The following METTL16 variants were observed in gnomAD, a reference collection of about 807,000 sequenced individuals.
METTL16 encodes the protein methyltransferase 16, RNA N6-adenosine, also known as RNA N(6)-adenosine-methyltransferase METTL16.
In METTL16, 19 loss-of-function variants were observed where a neutral mutation model predicts 57.9. The ratio of observed to expected loss-of-function variants is 0.33; its 90% CI spans 0.23 to 0.48. The LOEUF is 0.48. Ranked by LOEUF, METTL16 falls within the 20% of genes least tolerant of loss-of-function variation. The pLI is 0.99. For synonymous variants in METTL16, 246 were observed against 255.6 expected, an observed-to-expected ratio of 0.96 and a Z score of 0.36; for missense variants, 434 against 691.5, an observed-to-expected ratio of 0.63 and a Z score of 4.18.
At chr17:2,473,374 T>C (rs2067247651) in intron 4 of METTL16, 150 bp downstream of exon 4, 2 of 670,820 alleles carry the variant, frequency 3.0e-6, no homozygotes, top group South Asian at 6.7e-5. Context: ...GAGTTAATTC[T>C]GGTATCAAGA....
chr17:2,485,988 G>A (rs747993297), intron 2 of METTL16, among the ~76,000 whole-genome samples: 5 of 152,114 alleles, frequency 3.3e-5, no homozygotes, highest in Non-Finnish European at 7.4e-5. Flanking sequence ...AGGAAGGAAC[G>A]AAGGGAAGGG....
At position 2,470,057 on chromosome 17, in the gene METTL16, C is replaced by T. The variant is rs115198800; in HGVS notation, c.470-2181G>A. Reference sequence around the variant, plus strand: ...TCGTATTTTCATCAACTGATAGACACACAACCTTATTTTATGGTGTTCCTG... The same window carrying T: ...TCGTATTTTCATCAACTGATAGACATACAACCTTATTTTATGGTGTTCCTG... On this transcript the variant is annotated intron_variant, in intron 4 of 9. Coordinates refer to ENST00000263092, the MANE Select transcript of METTL16 (RefSeq NM_024086.4). Among the ~76,000 whole-genome samples, 319 of 152,278 alleles carry T rather than the reference C, an allele frequency of 2.1e-3. 2 individuals carry two copies. The highest frequency in any genetic ancestry group is 7.5e-3 in the African/African-American group (311 of 41,558).
chr17:2,429,468 G>T lies in METTL16; in HGVS notation c.889-8564C>A, dbSNP rs545341775. On this transcript the variant is annotated intron_variant, in intron 8 of 9. Coordinates refer to ENST00000263092, the MANE Select transcript of METTL16 (RefSeq NM_024086.4). The stretch of plus-strand genomic sequence containing the variant: ...CTCCCAAAGTGCTGGGATTACAGGT[G>T]TGAGCCACTGTGCTCGGCCAAGAAT... Among the ~76,000 whole-genome samples the T allele has an allele frequency of 4.7e-5, 7 of 150,030 alleles. No homozygotes were observed. The South Asian group carries it at 1.5e-3, about 32-fold the overall frequency.
Position 2,419,952 on chromosome 17 carries a change from C to G in METTL16, c.*18G>C. On this transcript the variant is annotated 3_prime_UTR_variant, in exon 10 of 10. Transcript: ENST00000263092. ...AAGCAAGTTACTATCAACACGTTTC[C>G]AACTGTGCAGGAGGTTTCTAGTTAA... 2.5e-6 allele frequency: 4 copies of G among 1,612,534 alleles called. No homozygotes were observed. The highest frequency in any genetic ancestry group is 3.4e-6 in the Non-Finnish European group (4 of 1,178,942).
intron 8 of METTL16, among the ~76,000 whole-genome samples, chr17:2,426,469 G>A (rs1038335693): frequency 3.0e-4 from 45 of 152,190 alleles, no homozygotes; most frequent in Admixed American, 2.3e-3. Context: ...CATGGCTCAC[G>A]CCTGTAATCC....
rs2067219097 is a variant in METTL16, at chr17:2,468,912, TTGTTG to T, written c.470-1041_470-1037del. 2.2e-5 allele frequency among the ~76,000 whole-genome samples: 3 copies of T among 137,106 alleles called. No homozygotes were observed. The South Asian group carries it at 7.1e-4, about 32-fold the overall frequency. The allele number at this position is 137,106 out of a possible 152,430, so 89.9% of individuals were successfully genotyped here. ...CTAATAAAAAAATGTTTTTTTTTTG[TTGTTG>T]TGTGTGTGTGTTTTTTTTTTCTAAA... On this transcript the variant is annotated intron_variant, in intron 4 of 9. Coordinates refer to ENST00000263092, the MANE Select transcript of METTL16 (RefSeq NM_024086.4).
chr17:2,426,483 C>T (rs2151542328), intron 8 of METTL16, among the ~76,000 whole-genome samples: 1 of 152,180 alleles, frequency 6.6e-6, no homozygotes, highest in African/African-American at 2.4e-5. Flanking sequence ...GTAATCCCAG[C>T]ACTTTGGGAG....
rs1461698760 is a variant in METTL16, at chr17:2,419,720, T to C, written c.*250A>G. 1.2e-5 allele frequency: 8 copies of C among 659,294 alleles called. No homozygotes were observed. In the East Asian group the frequency reaches 2.4e-4, roughly 20 times the overall value. 40.8% of individuals were successfully genotyped at this position (659,294 alleles called of 1,614,324 possible). On this transcript the variant is annotated 3_prime_UTR_variant, in exon 10 of 10. Coordinates refer to ENST00000263092, the MANE Select transcript of METTL16 (RefSeq NM_024086.4). Reference sequence around the variant, plus strand: ...GAGCCAGCTTGCAATCCCTCGGGAGTTTACTGAGGGCTTTCTGTTGTTACT... The same window carrying C: ...GAGCCAGCTTGCAATCCCTCGGGAGCTTACTGAGGGCTTTCTGTTGTTACT...
intron 4 of METTL16, 23 bp downstream of exon 4, chr17:2,473,501 G>C (rs759749920): frequency 1.1e-5 from 17 of 1,594,758 alleles, no homozygotes; most frequent in Non-Finnish European, 1.3e-5. Flanking sequence ...AAAGTTTGGA[G>C]GCATTCATTC....
chr17:2,474,623 A>G (rs1597461203), intron 3 of METTL16, among the ~76,000 whole-genome samples: 1 of 152,192 alleles, frequency 6.6e-6, no homozygotes, highest in Middle Eastern at 3.4e-3. Context: ...CTATATACTA[A>G]CCAAGAATAT....
In METTL16 at chr17:2,456,448, A is replaced by C. The variant is rs142762322; in HGVS notation, c.728+7760T>G. Among the ~76,000 whole-genome samples the C allele has an allele frequency of 6.5e-3, 997 of 152,302 alleles. 38 individuals are homozygous for C. Among genetic ancestry groups the C allele is most frequent in the Admixed American group, 0.056 (854 of 15,296 alleles). ...AATGCCCAATAACAAAGAATTAGTT[A>C]ATTATGGACTGTTGTTAAGCTCACT... On this transcript the variant is annotated intron_variant, in intron 6 of 9. Coordinates refer to ENST00000263092, the MANE Select transcript of METTL16 (RefSeq NM_024086.4).
chr17:2,467,933 T>C lies in METTL16; in HGVS notation c.470-57A>G, dbSNP rs2067213129. ...TTAATGTTGCAGTGGTTCTAAAGTA[T>C]AACCGCGCACTGCGTAATGATTCTT... On this transcript the variant is annotated intron_variant, in intron 4 of 9. Coordinates refer to ENST00000263092, the MANE Select transcript of METTL16 (RefSeq NM_024086.4). 9 of 1,201,866 alleles carry C rather than the reference T, an allele frequency of 7.5e-6. No homozygotes were observed. The Admixed American group carries it at 1.4e-4, about 18-fold the overall frequency. The allele number at this position is 1,201,866 out of a possible 1,614,324, so 74.5% of individuals were successfully genotyped here. A position where few individuals can be genotyped will look rare whatever the true frequency, so the allele number is the denominator to read the frequency against.
chr17:2,438,221 C>G, intron 7 of METTL16, 23 bp from the exon 8 acceptor site: 2 of 1,525,772 alleles, frequency 1.3e-6, no homozygotes, highest in Non-Finnish European at 1.8e-6. Flanking sequence ...AAGACAGCAT[C>G]TCATCAAACT....
At chr17:2,491,161 C>T (rs534632746) in intron 2 of METTL16, among the ~76,000 whole-genome samples, 2 of 152,344 alleles carry the variant, frequency 1.3e-5, no homozygotes, top group African/African-American at 2.4e-5. Context: ...GATCTTTTCT[C>T]ATTCTCATTT....
intron 1 of METTL16, among the ~76,000 whole-genome samples, chr17:2,507,929 C>T (rs1025541548): frequency 1.3e-5 from 2 of 152,174 alleles, no homozygotes; most frequent in Non-Finnish European, 2.9e-5. Flanking sequence ...TTGAAGGCAG[C>T]ATGCTCCTTA....
intron 6 of METTL16, among the ~76,000 whole-genome samples, chr17:2,448,749 A>T (rs574186468): frequency 0.015 from 1,837 of 122,314 alleles, 75 homozygotes; most frequent in African/African-American, 0.073. Flanking sequence ...ATAAAAAAAA[A>T]AATAAAATAA....
rs1184412325 is a variant in METTL16, at chr17:2,418,943, GT to G, written c.*1026del. ...ACCCTGGCATTCCAATTAGAAACGTGTTTCAAGGACACAGTTACTCCGGCCT... is the reference window on the plus strand; with the variant it reads ...ACCCTGGCATTCCAATTAGAAACGTGTTCAAGGACACAGTTACTCCGGCCT... On this transcript the variant is annotated 3_prime_UTR_variant, in exon 10 of 10. Coordinates refer to ENST00000263092, the MANE Select transcript of METTL16 (RefSeq NM_024086.4). 3 of 152,222 alleles carry G rather than the reference GT, an allele frequency of 2.0e-5. No individual in the cohort carries two copies. The highest frequency in any genetic ancestry group is 4.4e-5 in the Non-Finnish European group (3 of 68,106). The allele number at this position is 152,222 out of a possible 1,614,324, so 9.4% of individuals were successfully genotyped here.
chr17:2,450,573 T>A (rs2067061250), intron 6 of METTL16, among the ~76,000 whole-genome samples: 1 of 152,202 alleles, frequency 6.6e-6, no homozygotes, highest in Admixed American at 6.5e-5. Flanking sequence ...GACGACTGAC[T>A]GAAATATATA....
intron 6 of METTL16, among the ~76,000 whole-genome samples, chr17:2,463,742 G>C (rs1204185947): frequency 1.3e-5 from 2 of 151,924 alleles, no homozygotes; most frequent in Non-Finnish European, 2.9e-5. Context: ...TTACAGGTGT[G>C]AGCCACCACG....
Sources: allele counts gnomAD v4.1 joint callset (sites outside exome capture counted in the v4.1 genomes callset), GRCh38; gene constraint gnomAD v4.1.1; transcripts MANE v1.5; gene names NCBI Gene and HGNC (gene_info 2026-07-23, HGNC 2026-07-21).